CCDC7: variants seen among roughly 807,000 people sequenced by gnomAD.
The protein encoded by CCDC7 is coiled-coil domain-containing protein 7.
Under a neutral mutation model 196.9 loss-of-function variants are expected in CCDC7, and 183 were observed. The ratio of observed to expected loss-of-function variants is 0.93; its 90% confidence interval spans 0.82 to 1.05. The LOEUF (loss-of-function observed/expected upper bound fraction) is 1.05, where lower values mean the gene tolerates loss of function less well. CCDC7 is among the 50% of genes least tolerant of loss of function. The pLI, the probability that CCDC7 is intolerant of heterozygous loss-of-function variation, is 0.00. For missense variants in CCDC7, 1,540 were observed against 1,482.2 expected (o/e 1.04, Z -0.64); for synonymous variants, 525 against 484.6 (o/e 1.08, Z -1.10).
chr10:32,815,538 CAGA>C (rs2088248698), intron 31 of CCDC7, among the ~76,000 whole-genome samples: 2 of 151,732 alleles, frequency 1.3e-5, no homozygotes, highest in African/African-American at 4.8e-5. Flanking sequence ...ATGGGAATAC[CAGA>C]AGGAGAGTCT....
At chr10:32,848,112 G>A (rs891054983) in intron 38 of CCDC7, among the ~76,000 whole-genome samples, 196 bp downstream of exon 39, 1 of 152,050 alleles carries the variant, frequency 6.6e-6, no homozygotes, top group African/African-American at 2.4e-5. Context: ...TCTAGACAAT[G>A]ATTTTAAAAA....
chr10:32,518,084 GTTTA>G (rs1212586326), intron 10 of CCDC7, 109 bp downstream of exon 11: 2 of 1,340,794 alleles, frequency 1.5e-6, no homozygotes, highest in African/African-American at 1.5e-5. Context: ...TCCTTACTTA[GTTTA>G]TTTAAGAGAT....
intron 30 of CCDC7, among the ~76,000 whole-genome samples, chr10:32,808,281 C>T (rs758147958): frequency 2.6e-5 from 4 of 152,150 alleles, no homozygotes; most frequent in Admixed American, 6.5e-5. Context: ...GATTACCTTG[C>T]CCCATCAGTT....
chr10:32,841,035 C>T (rs2092939845), intron 33 of CCDC7, among the ~76,000 whole-genome samples: 1 of 151,980 alleles, frequency 6.6e-6, no homozygotes, highest in African/African-American at 2.4e-5. Flanking sequence ...GACAAACCAA[C>T]AGCCAACATT....
chr10:32,544,431 T>A, intron 13 of CCDC7, 130 bp downstream of exon 14: 1 of 821,324 alleles, frequency 1.2e-6, no homozygotes, highest in Non-Finnish European at 1.7e-6. Flanking sequence ...TGTCTCTGTG[T>A]GTGTGTGTAC....
chr10:32,752,583 G>A (rs1279966185), intron 28 of CCDC7, among the ~76,000 whole-genome samples: 1 of 152,050 alleles, frequency 6.6e-6, no homozygotes, highest in Non-Finnish European at 1.5e-5. Context: ...ACAATACAGT[G>A]TCAAATAATG....
chr10:32,517,161 C>A (rs1448287907), intron 9 of CCDC7, among the ~76,000 whole-genome samples: 1 of 152,050 alleles, frequency 6.6e-6, no homozygotes, highest in African/African-American at 2.4e-5. Context: ...GTGACAGAGA[C>A]CATCAGGCTT....
chr10:32,751,626 T>C (rs1034327642), intron 28 of CCDC7, among the ~76,000 whole-genome samples: 1 of 152,194 alleles, frequency 6.6e-6, no homozygotes, highest in African/African-American at 2.4e-5. Context: ...GCATATATGA[T>C]ATCCTGTAAA....
intron 25 of CCDC7, among the ~76,000 whole-genome samples, chr10:32,724,921 T>G (rs1217993785): frequency 6.6e-6 from 1 of 152,106 alleles, no homozygotes; most frequent in East Asian, 1.9e-4. Context: ...GAAAGCTGTC[T>G]TCCATAACTG....
intron 15 of CCDC7, among the ~76,000 whole-genome samples, chr10:32,568,879 G>A (rs996847551): frequency 6.6e-6 from 1 of 152,096 alleles, no homozygotes; most frequent in Admixed American, 6.6e-5. Context: ...GGTCTTTCTC[G>A]CTCCAAAATC....
chr10:32,467,825 C>T (rs755089465), intron 5 of CCDC7, among the ~76,000 whole-genome samples: 1 of 152,220 alleles, frequency 6.6e-6, no homozygotes, highest in Non-Finnish European at 1.5e-5. Flanking sequence ...ATCCCAGCCT[C>T]ATTTATTGAA....
chr10:32,569,558 C>T (rs1396490151), intron 15 of CCDC7, among the ~76,000 whole-genome samples: 1 of 152,132 alleles, frequency 6.6e-6, no homozygotes, highest in Non-Finnish European at 1.5e-5. Context: ...TGCCAAGTAG[C>T]TGAGATTACA....
At chr10:32,797,696 C>A (rs571739086) in intron 29 of CCDC7, among the ~76,000 whole-genome samples, 1 of 152,090 alleles carries the variant, frequency 6.6e-6, no homozygotes, top group African/African-American at 2.4e-5. Context: ...AAAAATAAAA[C>A]AAAAGGGAAA....
At chr10:32,445,897 C>T (rs1432126055), upstream of CCDC7, among the ~76,000 whole-genome samples, 2 of 152,194 alleles carry the variant, frequency 1.3e-5, no homozygotes, top group Admixed American at 1.3e-4. Context: ...TTCTCCTCCG[C>T]GGGCCTCTAG....
chr10:32,577,161 A>G (rs1041349371), intron 16 of CCDC7, among the ~76,000 whole-genome samples: 1 of 152,060 alleles, frequency 6.6e-6, no homozygotes, highest in Admixed American at 6.6e-5. Context: ...CAAGAGTTCA[A>G]GACCAGCCTG....
chr10:32,851,049 G>A (rs2093546229), intron 39 of CCDC7, among the ~76,000 whole-genome samples: 1 of 152,078 alleles, frequency 6.6e-6, no homozygotes, highest in African/African-American at 2.4e-5. Flanking sequence ...TGGGGCAAAT[G>A]GAATTGATCG....
chr10:32,460,318 TA>T (rs549383473), intron 3 of CCDC7, among the ~76,000 whole-genome samples: 2 of 152,168 alleles, frequency 1.3e-5, no homozygotes, highest in South Asian at 2.1e-4. Flanking sequence ...CATTACAAAA[TA>T]AAAAGGCATT....
At chr10:32,708,093 A>C (rs1463912949) in intron 24 of CCDC7, among the ~76,000 whole-genome samples, 1 of 152,188 alleles carries the variant, frequency 6.6e-6, no homozygotes, top group African/African-American at 2.4e-5. Flanking sequence ...TACAGTAACC[A>C]AAAGAGCATA....
chr10:32,702,911 C>T (rs1272473660), intron 24 of CCDC7, among the ~76,000 whole-genome samples: 1 of 152,144 alleles, frequency 6.6e-6, no homozygotes, highest in Non-Finnish European at 1.5e-5. Context: ...ATGTGTGTCT[C>T]TGCACGTGAG....
Sources: gnomAD v4.1 joint callset for allele counts (sites outside exome capture counted in the v4.1 genomes callset) on GRCh38, gnomAD v4.1.1 for gene constraint, MANE v1.5 for transcripts, NCBI Gene and HGNC (gene_info 2026-07-23, HGNC 2026-07-21) for gene names.